The following DOC2B variants were observed in gnomAD, a reference collection of about 807,000 sequenced individuals.
The protein encoded by DOC2B is double C2-like domain-containing protein beta.
In DOC2B, 21 loss-of-function variants were observed where a neutral mutation model predicts 28.9. The ratio of observed to expected loss-of-function variants is 0.73; its 90% CI spans 0.52 to 1.05. DOC2B has a LOEUF of 1.05. DOC2B is among the 50% of genes least tolerant of loss of function. DOC2B has a pLI of 0.00. For synonymous variants in DOC2B, 194 were observed against 178.1 expected (o/e 1.09, Z -0.71); for missense variants, 384 against 421.1 (o/e 0.91, Z 0.77).
rs2040026075 is a variant in DOC2B, at chr17:147,242, C to T, written c.*199G>A. On this transcript the variant is annotated 3_prime_UTR_variant, in exon 9 of 9. Transcript: ENST00000613549. ...CCCAGAGAGCTGAGAGCCCCCCACCCCAGCTCCTTGCCCTCCCCGTCCCAG... is the reference window on the plus strand; with the variant it reads ...CCCAGAGAGCTGAGAGCCCCCCACCTCAGCTCCTTGCCCTCCCCGTCCCAG... 1 of 394,160 alleles carries T rather than the reference C, an allele frequency of 2.5e-6. No homozygotes were observed. Among genetic ancestry groups the T allele is most frequent in the East Asian group, 3.6e-5 (1 of 27,836 alleles). 24.4% of individuals were successfully genotyped at this position (394,160 alleles called of 1,614,324 possible). A position where few individuals can be genotyped will look rare whatever the true frequency, so the allele number is the denominator to read the frequency against.
chr17:156,403 C>G, intron 5 of DOC2B, 26 bp from the exon 6 acceptor site: 1 of 1,549,572 alleles, frequency 6.5e-7, no homozygotes, highest in East Asian at 2.5e-5. Context: ...GTCACTCAGT[C>G]CTCACCTGCT....
rs1299889567 is a variant in DOC2B, at chr17:146,842, G to A, written c.*599C>T. The stretch of plus-strand genomic sequence containing the variant: ...TGGGAACTCCCTGAGGGCAGGCCCT[G>A]TGTCTCATTCACCCCCAGGGCTTGT... On this transcript the variant is annotated 3_prime_UTR_variant, in exon 9 of 9. Coordinates refer to ENST00000613549, the MANE Select transcript of DOC2B (RefSeq NM_003585.5). 1 of 152,310 alleles carries A rather than the reference G, an allele frequency of 6.6e-6. No individual in the cohort carries two copies. The highest frequency in any genetic ancestry group is 1.5e-5 in the Non-Finnish European group (1 of 68,068). 9.4% of individuals were successfully genotyped at this position (152,310 alleles called of 1,614,324 possible).
intron 1 of DOC2B, among the ~76,000 whole-genome samples, chr17:177,073 A>G (rs1474813796): frequency 1.8e-5 from 1 of 56,154 alleles, no homozygotes; most frequent in African/African-American, 5.3e-5. Flanking sequence ...GCTCTCAAAT[A>G]CTTTAAAAAA....
chr17:176,522 G>A (rs1428100501), intron 1 of DOC2B, among the ~76,000 whole-genome samples: 1 of 152,064 alleles, frequency 6.6e-6, no homozygotes, highest in African/African-American at 2.4e-5. Context: ...ACTCTGCCCT[G>A]GTCCAAAAAG....
intron 7 of DOC2B, among the ~76,000 whole-genome samples, chr17:148,772 T>C (rs2040042072): frequency 6.6e-6 from 1 of 152,146 alleles, no homozygotes; most frequent in Non-Finnish European, 1.5e-5. Flanking sequence ...CTTGCCGCCT[T>C]GGGCGGAAGA....
intron 1 of DOC2B, among the ~76,000 whole-genome samples, chr17:173,322 C>T (rs530236062): frequency 2.0e-5 from 3 of 152,216 alleles, no homozygotes; most frequent in African/African-American, 2.4e-5. Flanking sequence ...CATGCAGAAG[C>T]GGCTCCCAGC....
At chr17:177,504 C>T (rs1425696728) in intron 1 of DOC2B, among the ~76,000 whole-genome samples, 1 of 152,230 alleles carries the variant, frequency 6.6e-6, no homozygotes, top group Non-Finnish European at 1.5e-5. Context: ...CCTCTTTTCC[C>T]TCTGTCAGCC....
intron 1 of DOC2B, among the ~76,000 whole-genome samples, chr17:180,279 C>G (rs1597839902): frequency 1.3e-5 from 2 of 152,208 alleles, no homozygotes; most frequent in African/African-American, 4.8e-5. Flanking sequence ...TCGGGCCGGA[C>G]AGGCACCCTC....
chr17:160,442 C>T (rs765612206), intron 5 of DOC2B, among the ~76,000 whole-genome samples: 1 of 152,236 alleles, frequency 6.6e-6, no homozygotes, highest in Admixed American at 6.5e-5. Context: ...CAGGCTGACT[C>T]GCCCCCGGGG....
chr17:157,953 C>T (rs1317977650), intron 5 of DOC2B, among the ~76,000 whole-genome samples: 1 of 152,204 alleles, frequency 6.6e-6, no homozygotes, highest in African/African-American at 2.4e-5. Flanking sequence ...AAAGGGTCAC[C>T]GTGGCCCCAG....
chr17:168,997 A>G (rs1454837051), intron 2 of DOC2B, among the ~76,000 whole-genome samples: 1 of 152,156 alleles, frequency 6.6e-6, no homozygotes, highest in African/African-American at 2.4e-5. Context: ...CCTGGCTGGT[A>G]CTGGCACTGA....
At chr17:149,000 C>T (rs1317813321) in intron 7 of DOC2B, 111 bp downstream of exon 7, 6 of 397,424 alleles carry the variant, frequency 1.5e-5, no homozygotes, top group African/African-American at 6.2e-5. Flanking sequence ...CCCTCCCCAC[C>T]GTCTCTGACC....
intron 3 of DOC2B, 91 bp downstream of exon 3, chr17:164,039 A>C (rs1175324635): frequency 7.5e-6 from 8 of 1,070,424 alleles, no homozygotes; most frequent in Non-Finnish European, 1.1e-5. Context: ...CCCGCAGCCC[A>C]GTCCAGGCCC....
rs2040022389 is a variant in DOC2B, at chr17:146,749, A to C, written c.*692T>G. ...TCAGCAGAGCCCACGGTACTTGCAG[A>C]CTGGCCAAGCTGGTCTTGGTATTTC... On this transcript the variant is annotated 3_prime_UTR_variant, in exon 9 of 9. Coordinates refer to ENST00000613549, the MANE Select transcript of DOC2B (RefSeq NM_003585.5). 6.6e-6 allele frequency: 1 copy of C among 152,394 alleles called. No individual in the cohort carries two copies. The highest frequency in any genetic ancestry group is 1.5e-5 in the Non-Finnish European group (1 of 68,100). 9.4% of individuals were successfully genotyped at this position (152,394 alleles called of 1,614,324 possible).
chr17:162,583 A>G (rs1351411334), intron 3 of DOC2B, among the ~76,000 whole-genome samples: 1 of 152,250 alleles, frequency 6.6e-6, no homozygotes, highest in African/African-American at 2.4e-5. Context: ...CCCGGGCTCC[A>G]GAAGGAATGC....
chr17:155,953 G>A (rs919594635), intron 6 of DOC2B: 3 of 484,646 alleles, frequency 6.2e-6, no homozygotes, highest in Non-Finnish European at 1.1e-5. Flanking sequence ...GTCACAGAGA[G>A]GCCTGGACAT....
At chr17:179,855 G>A (rs2040416889) in intron 1 of DOC2B, among the ~76,000 whole-genome samples, 1 of 152,288 alleles carries the variant, frequency 6.6e-6, no homozygotes, top group African/African-American at 2.4e-5. Context: ...TGCAAAGCAG[G>A]CAGTTTCCCC....
intron 3 of DOC2B, 149 bp downstream of exon 3, chr17:163,981 G>T: frequency 3.2e-6 from 2 of 626,944 alleles, no homozygotes; most frequent in Non-Finnish European, 5.7e-6. Context: ...GGTCCCATCA[G>T]CTTGCTTGGA....
chr17:180,852 G>A (rs1429815611), intron 1 of DOC2B, among the ~76,000 whole-genome samples: 1 of 151,922 alleles, frequency 6.6e-6, no homozygotes, highest in Non-Finnish European at 1.5e-5. Flanking sequence ...CCCGGCCCCG[G>A]AAATGGGACA....
Sources: gnomAD v4.1 joint callset for allele counts (sites outside exome capture counted in the v4.1 genomes callset) on GRCh38, gnomAD v4.1.1 for gene constraint, MANE v1.5 for transcripts, NCBI Gene and HGNC (gene_info 2026-07-23, HGNC 2026-07-21) for gene names.